Variants in RAB21 observed in about 807,000 individuals in gnomAD.
The protein encoded by RAB21 is ras-related protein Rab-21.
Under a neutral mutation model 33.1 loss-of-function variants are expected in RAB21, and 13 were observed. That is an observed-to-expected ratio of 0.39 (90% CI 0.26 to 0.62). The LOEUF (loss-of-function observed/expected upper bound fraction) is 0.62, where lower values mean the gene tolerates loss of function less well. Among genes scored for constraint, RAB21 ranks in the 20% least tolerant of loss-of-function variants. RAB21 has a pLI of 0.48. For missense variants in RAB21, 234 were observed against 279.1 expected (o/e 0.84, Z 1.15); for synonymous variants, 91 against 103.7 (o/e 0.88, Z 0.74).
chr12:71,793,840 A>G lies in RAB21; in HGVS notation c.*8167A>G, dbSNP rs1446053188. 1 of 152,228 alleles carries G rather than the reference A, an allele frequency of 6.6e-6. No homozygotes were observed. The highest frequency in any genetic ancestry group is 1.5e-5 in the Non-Finnish European group (1 of 68,050). 9.4% of individuals were successfully genotyped at this position (152,228 alleles called of 1,614,324 possible). A position where few individuals can be genotyped will look rare whatever the true frequency, so the allele number is the denominator to read the frequency against. On this transcript the variant is annotated 3_prime_UTR_variant, in exon 7 of 7. Coordinates refer to ENST00000261263, the MANE Select transcript of RAB21 (RefSeq NM_014999.4). ...GTTCTGGGTTCTAGGTTCTAGGCTA[A>G]TAATTTACTACTTTGGTATGTTGCC...
At position 71,785,988 on chromosome 12, in the gene RAB21, A is replaced by G. The variant is rs185728614; in HGVS notation, c.*315A>G. 9.8e-3 allele frequency: 1,761 copies of G among 178,876 alleles called. 44 individuals are homozygous for G. The highest frequency in any genetic ancestry group is 0.042 in the African/African-American group (1,640 of 38,644). 11.1% of individuals were successfully genotyped at this position (178,876 alleles called of 1,614,324 possible). A position where few individuals can be genotyped will look rare whatever the true frequency, so the allele number is the denominator to read the frequency against. On this transcript the variant is annotated 3_prime_UTR_variant, in exon 7 of 7. Coordinates refer to ENST00000261263, the MANE Select transcript of RAB21 (RefSeq NM_014999.4). ...TTGATCTCGGCTCACTGCAAGCTCC[A>G]CCTCCCAGGTTCACGCCATTCTCCT... is the stretch of plus-strand genomic sequence containing the variant.
intron 1 of RAB21, among the ~76,000 whole-genome samples, chr12:71,755,960 C>T (rs1287491207): frequency 6.6e-6 from 1 of 152,214 alleles, no homozygotes; most frequent in Non-Finnish European, 1.5e-5. Flanking sequence ...TACTCAGTTT[C>T]TTTACCTGTA....
intron 6 of RAB21, among the ~76,000 whole-genome samples, chr12:71,784,775 C>T (rs1381773887): frequency 1.3e-5 from 2 of 152,184 alleles, no homozygotes; most frequent in East Asian, 3.9e-4. Flanking sequence ...GAAGTTCCCT[C>T]ATCTTAAACT....
rs1364751174 is a variant in RAB21, at chr12:71,775,516, G to T, written c.391+1494G>T. Among the ~76,000 whole-genome samples, 4 of 152,096 alleles carry T rather than the reference G, an allele frequency of 2.6e-5. No individual in the cohort carries two copies. The East Asian group carries it at 7.7e-4, about 29-fold the overall frequency. On this transcript the variant is annotated intron_variant, in intron 4 of 6. Coordinates refer to ENST00000261263, the MANE Select transcript of RAB21 (RefSeq NM_014999.4). Reference sequence around the variant, plus strand: ...TGAAAGAATGGAATGGTCAGTTTGGGCAAATTCTGCTTTTAGCCTTAAGAA... The same window carrying T: ...TGAAAGAATGGAATGGTCAGTTTGGTCAAATTCTGCTTTTAGCCTTAAGAA...
rs12300994 is a variant in RAB21 at position 71,785,884 on chromosome 12, T to C, written c.*211T>C. The C allele has an allele frequency of 8.9e-4, 482 of 543,296 alleles. 3 individuals are homozygous for C. The highest frequency in any genetic ancestry group is 8.6e-3 in the African/African-American group (429 of 49,658). The allele number at this position is 543,296 out of a possible 1,614,324, so 33.7% of individuals were successfully genotyped here. On this transcript the variant is annotated 3_prime_UTR_variant, in exon 7 of 7. Transcript: ENST00000261263. ...AATTGGCATTTTCTACAAATGTTTTTTTTTGTTTTTTTTTTGTTTTTTTTT... is the reference window on the plus strand; with the variant it reads ...AATTGGCATTTTCTACAAATGTTTTCTTTTGTTTTTTTTTTGTTTTTTTTT...
chr12:71,794,929 T>A lies in RAB21; in HGVS notation c.*9256T>A, dbSNP rs1883447690. 2.0e-5 allele frequency: 3 copies of A among 151,048 alleles called. No homozygotes were observed. The highest frequency in any genetic ancestry group is 4.2e-4 in the South Asian group (2 of 4,808). 9.4% of individuals were successfully genotyped at this position (151,048 alleles called of 1,614,324 possible). On this transcript the variant is annotated 3_prime_UTR_variant, in exon 7 of 7. Coordinates refer to ENST00000261263, the MANE Select transcript of RAB21 (RefSeq NM_014999.4). ...TCCAGCCTCGGTGACAGAGTGAGAC[T>A]CTGTCTCAAAAAAAAAGTTAAAAGT...
At chr12:71,759,756 T>G (rs1677538268) in intron 1 of RAB21, among the ~76,000 whole-genome samples, 1 of 152,252 alleles carries the variant, frequency 6.6e-6, no homozygotes, top group South Asian at 2.1e-4. Context: ...TAGGCTGTGT[T>G]TCTGCAGTAC....
intron 6 of RAB21, among the ~76,000 whole-genome samples, chr12:71,783,119 G>A (rs1372851693): frequency 1.3e-5 from 2 of 151,882 alleles, no homozygotes; most frequent in Admixed American, 1.3e-4. Context: ...CTTTATAAAA[G>A]GAGTTCTTAT....
chr12:71,795,394 G>A lies in RAB21; in HGVS notation c.*9721G>A, dbSNP rs1883454780. The A allele has an allele frequency of 1.1e-5, 1 of 90,272 alleles. No homozygotes were observed. The highest frequency in any genetic ancestry group is 2.0e-5 in the Non-Finnish European group (1 of 49,426). 5.6% of individuals were successfully genotyped at this position (90,272 alleles called of 1,614,324 possible). A position where few individuals can be genotyped will look rare whatever the true frequency, so the allele number is the denominator to read the frequency against. ...TAATAAAATGGAGAAATTTGGGAATGTCCCTAGCGTAATAATGCCTTCTAC... is the reference window on the plus strand; with the variant it reads ...TAATAAAATGGAGAAATTTGGGAATATCCCTAGCGTAATAATGCCTTCTAC... On this transcript the variant is annotated 3_prime_UTR_variant, in exon 7 of 7. Transcript: ENST00000261263.
In RAB21 at chr12:71,786,389, GT is replaced by G. The variant is rs1351479237; in HGVS notation, c.*718del. ...TTGCAGCCCTTTGTATTTTGTGGTA[GT>G]TGAAATTGTATCACTTCTAAACAGC... On this transcript the variant is annotated 3_prime_UTR_variant, in exon 7 of 7. Transcript: ENST00000261263. 6.6e-6 allele frequency: 1 copy of G among 152,500 alleles called. No homozygotes were observed. The highest frequency in any genetic ancestry group is 1.5e-5 in the Non-Finnish European group (1 of 68,024). The allele number at this position is 152,500 out of a possible 1,614,324, so 9.4% of individuals were successfully genotyped here.
chr12:71,779,102 G>C (rs1345966608), intron 4 of RAB21, among the ~76,000 whole-genome samples: 1 of 152,148 alleles, frequency 6.6e-6, no homozygotes, highest in Admixed American at 6.5e-5. Flanking sequence ...CATCAACCCT[G>C]CAAGGTTTGT....
chr12:71,797,366 A>G lies in RAB21; in HGVS notation c.*11693A>G, dbSNP rs1883476649. 1 of 152,114 alleles carries G rather than the reference A, an allele frequency of 6.6e-6. No homozygotes were observed. The highest frequency in any genetic ancestry group is 1.5e-5 in the Non-Finnish European group (1 of 68,004). 9.4% of individuals were successfully genotyped at this position (152,114 alleles called of 1,614,324 possible). On this transcript the variant is annotated 3_prime_UTR_variant, in exon 7 of 7. Coordinates refer to ENST00000261263, the MANE Select transcript of RAB21 (RefSeq NM_014999.4). ...AAACAACAGCCAGTTAGAAGATATAATAGAAGAAAAGGCCCCATTTAAAGT... is the reference window on the plus strand; with the variant it reads ...AAACAACAGCCAGTTAGAAGATATAGTAGAAGAAAAGGCCCCATTTAAAGT...
rs1883496874 is a variant in RAB21, at chr12:71,798,651, G to C, written c.*12978G>C. The C allele has an allele frequency of 1.3e-5, 2 of 152,184 alleles. No homozygotes were observed. Among genetic ancestry groups the C allele is most frequent in the South Asian group, 2.1e-4 (1 of 4,824 alleles). 9.4% of individuals were successfully genotyped at this position (152,184 alleles called of 1,614,324 possible). A position where few individuals can be genotyped will look rare whatever the true frequency, so the allele number is the denominator to read the frequency against. On this transcript the variant is annotated 3_prime_UTR_variant, in exon 7 of 7. Coordinates refer to ENST00000261263, the MANE Select transcript of RAB21 (RefSeq NM_014999.4). ...AACTTTATTACTAAGAGAAGTATAA[G>C]ACAAAACTATACTGAGATACCAGTT...
Position 71,785,545 on chromosome 12 carries a change from G to A in RAB21, c.550G>A (p.Ala184Thr). ...CTCTGTCTTAGGGATGATAGAAACAGCACAAGTGGATGAGAGAGCAAAAGG... is the reference window on the plus strand; with the variant it reads ...CTCTGTCTTAGGGATGATAGAAACAACACAAGTGGATGAGAGAGCAAAAGG... The part of the protein sequence containing the change: ...LDLCKRMIET[A>T]QVDERAKGNG... The change falls in exon 7 of 7, where the codon GCA becomes ACA. Residue 184 changes from alanine to threonine, a missense_variant. Coordinates refer to ENST00000261263, the MANE Select transcript of RAB21 (RefSeq NM_014999.4). The A allele has an allele frequency of 6.2e-7, 1 of 1,614,076 alleles. No individual in the cohort carries two copies. The highest frequency in any genetic ancestry group is 8.5e-7 in the Non-Finnish European group (1 of 1,179,946).
Position 71,786,975 on chromosome 12 carries a change from G to A in RAB21, c.*1302G>A, listed in dbSNP as rs77037293. ...TTATAAGAGATGGGTTCAGTGGTATGAGCAGAGGAAGAGATCCCAGATAGT... is the reference window on the plus strand; with the variant it reads ...TTATAAGAGATGGGTTCAGTGGTATAAGCAGAGGAAGAGATCCCAGATAGT... On this transcript the variant is annotated 3_prime_UTR_variant, in exon 7 of 7. Coordinates refer to ENST00000261263, the MANE Select transcript of RAB21 (RefSeq NM_014999.4). 3 of 152,348 alleles carry A rather than the reference G, an allele frequency of 2.0e-5. No homozygotes were observed. The highest frequency in any genetic ancestry group is 3.9e-4 in the East Asian group (2 of 5,194). The allele number at this position is 152,348 out of a possible 1,614,324, so 9.4% of individuals were successfully genotyped here.
chr12:71,770,560 C>T (rs1236987177), intron 2 of RAB21, 32 bp from the exon 3 acceptor site: 3 of 1,403,896 alleles, frequency 2.1e-6, no homozygotes, highest in Middle Eastern at 1.8e-4. Flanking sequence ...TATTTTTCTT[C>T]TGATCTAATA....
intron 1 of RAB21, among the ~76,000 whole-genome samples, chr12:71,760,793 A>C (rs936873764): frequency 7.9e-5 from 12 of 151,994 alleles, no homozygotes; most frequent in Non-Finnish European, 1.3e-4. Flanking sequence ...TAGAGTCCCA[A>C]CTATAGAATT....
At chr12:71,773,771 TTATATG>T (rs1228701403) in intron 3 of RAB21, among the ~76,000 whole-genome samples, 182 bp from the exon 4 acceptor site, 1 of 152,212 alleles carries the variant, frequency 6.6e-6, no homozygotes, top group Non-Finnish European at 1.5e-5. Flanking sequence ...CATTGTATGT[TTATATG>T]TATATAGTTT....
At position 71,769,865 on chromosome 12, in the gene RAB21, T is replaced by C. The variant is rs976640352; in HGVS notation, c.219+6T>C. The C allele has an allele frequency of 2.2e-6, 3 of 1,349,626 alleles. No homozygotes were observed. The highest frequency in any genetic ancestry group is 2.7e-5 in the Admixed American group (1 of 36,768). 83.6% of individuals were successfully genotyped at this position (1,349,626 alleles called of 1,614,324 possible). A position where few individuals can be genotyped will look rare whatever the true frequency, so the allele number is the denominator to read the frequency against. On this transcript the variant is annotated splice_donor_region_variant and intron_variant, in intron 2 of 6. Transcript: ENST00000261263. ...GAGTAAACCTTGCCATATGGGTAAG[T>C]GAACTTTTTCAACTATTATGCGTGG... is the stretch of plus-strand genomic sequence containing the variant.
Sources: gnomAD v4.1 joint callset for allele counts (sites outside exome capture counted in the v4.1 genomes callset) on GRCh38, gnomAD v4.1.1 for gene constraint, MANE v1.5 for transcripts, NCBI Gene and HGNC (gene_info 2026-07-23, HGNC 2026-07-21) for gene names.